The following MAMDC2 variants were observed in gnomAD, a reference collection of about 807,000 sequenced individuals.
The protein encoded by MAMDC2 is MAM domain containing 2, also known as MAM domain-containing protein 2.
In MAMDC2, 57 loss-of-function variants were observed where a neutral mutation model predicts 89.8. The ratio of observed to expected loss-of-function variants is 0.63; its 90% CI spans 0.51 to 0.79. The LOEUF (loss-of-function observed/expected upper bound fraction) is 0.79. MAMDC2 is among the 30% of genes least tolerant of loss of function. The probability of loss-of-function intolerance (pLI) is 0.00; values close to 1 mark genes in which losing one functional copy is unlikely to be tolerated. For missense variants in MAMDC2, 800 were observed against 820.6 expected, an observed-to-expected ratio of 0.97 and a Z score of 0.31; for synonymous variants, 313 against 293.4, an observed-to-expected ratio of 1.07 and a Z score of -0.68.
chr9:70,211,002 A>G lies in MAMDC2; in HGVS notation c.1652-7335A>G, dbSNP rs1211678991. 3.3e-5 allele frequency among the ~76,000 whole-genome samples: 5 copies of G among 152,294 alleles called. No individual in the cohort carries two copies. In the East Asian group the frequency reaches 5.8e-4, roughly 18 times the overall value. ...TAGAGTTTCTGCCAAGAGATCAGCT[A>G]TTAGTTTGATGGGCTTCCCTTTATG... On this transcript the variant is annotated intron_variant, in intron 11 of 13. Transcript: ENST00000377182.
chr9:70,143,920 T>C, intron 9 of MAMDC2, 101 bp downstream of exon 9: 1 of 1,417,202 alleles, frequency 7.1e-7, no homozygotes, highest in Non-Finnish European at 9.7e-7. Flanking sequence ...TTATTTTCCT[T>C]CTGTTCAGGC....
chr9:70,081,731 A>C (rs1275238721), intron 2 of MAMDC2: 1 of 152,118 alleles, frequency 6.6e-6, no homozygotes, highest in Non-Finnish European at 1.5e-5. Context: ...ACTTTTAACC[A>C]ATCTCCCAAA....
chr9:70,139,163 C>T (rs1169184260), intron 7 of MAMDC2, among the ~76,000 whole-genome samples: 2 of 149,850 alleles, frequency 1.3e-5, no homozygotes, highest in South Asian at 4.2e-4. Context: ...GGTACATGTG[C>T]ACAATGTGCA....
intron 5 of MAMDC2, among the ~76,000 whole-genome samples, chr9:70,118,297 A>AACACCCAC (rs2030100707): frequency 7.1e-6 from 1 of 140,484 alleles, no homozygotes; most frequent in Non-Finnish European, 1.5e-5. Context: ...ATCCCCACTC[A>AACACCCAC]ACACACACAC....
At chr9:70,138,949 G>A (rs1164593782) in intron 7 of MAMDC2, among the ~76,000 whole-genome samples, 2 of 152,016 alleles carry the variant, frequency 1.3e-5, no homozygotes, top group South Asian at 2.1e-4. Flanking sequence ...AAGGAAAATT[G>A]TTTCTATAAA....
intron 2 of MAMDC2, chr9:70,092,575 ACCATC>A (rs1445880372): frequency 1.3e-5 from 2 of 152,100 alleles, no homozygotes; most frequent in African/African-American, 2.4e-5. Flanking sequence ...GGGTTTCCAA[ACCATC>A]CCTGAGTTCA....
chr9:70,165,521 T>C (rs1423725076), intron 9 of MAMDC2, among the ~76,000 whole-genome samples: 1 of 152,230 alleles, frequency 6.6e-6, no homozygotes, highest in African/African-American at 2.4e-5. Context: ...TAGGGATCTT[T>C]TATCAGACAG....
chr9:70,062,609 A>G (rs1292296653), intron 2 of MAMDC2: 1 of 152,148 alleles, frequency 6.6e-6, no homozygotes, highest in Non-Finnish European at 1.5e-5. Context: ...AGTGAAATGG[A>G]CTTGCACTTC....
chr9:70,205,442 A>C (rs2033205087), intron 11 of MAMDC2, among the ~76,000 whole-genome samples: 1 of 152,206 alleles, frequency 6.6e-6, no homozygotes, highest in Non-Finnish European at 1.5e-5. Flanking sequence ...CCTGATTTTT[A>C]AGAATTCTTT....
At chr9:70,123,176 A>T (rs750651756) in intron 5 of MAMDC2, among the ~76,000 whole-genome samples, 6 of 152,228 alleles carry the variant, frequency 3.9e-5, no homozygotes, top group Non-Finnish European at 5.9e-5. Flanking sequence ...ATCTCACAAA[A>T]AGATTCTGTT....
chr9:70,125,156 T>C (rs1291532140), intron 5 of MAMDC2, among the ~76,000 whole-genome samples: 1 of 152,104 alleles, frequency 6.6e-6, no homozygotes, highest in Admixed American at 6.5e-5. Flanking sequence ...TCAGAAAAAA[T>C]TGCTAACAAT....
intron 11 of MAMDC2, chr9:70,188,763 T>TA (rs2032816606): frequency 1.4e-4 from 1 of 7,132 alleles, no homozygotes; most frequent in African/African-American, 2.5e-4. Flanking sequence ...AAACAATTGA[T>TA]TTTTTTTTTT....
chr9:70,066,133 G>A (rs1400989241), intron 2 of MAMDC2, among the ~76,000 whole-genome samples: 3 of 152,154 alleles, frequency 2.0e-5, no homozygotes, highest in African/African-American at 7.2e-5. Context: ...AGGTATGAAG[G>A]AAGATTGGGG....
chr9:70,091,355 A>T (rs1827897313), intron 2 of MAMDC2, among the ~76,000 whole-genome samples: 1 of 152,088 alleles, frequency 6.6e-6, no homozygotes, highest in Non-Finnish European at 1.5e-5. Flanking sequence ...CTTCAGGAAG[A>T]CCTAATCTCA....
intron 9 of MAMDC2, chr9:70,153,253 AACAGTT>A (rs1446203300): frequency 6.6e-6 from 1 of 152,228 alleles, no homozygotes; most frequent in East Asian, 1.9e-4. Context: ...GCAGGTAATC[AACAGTT>A]ACATTGAGAC....
chr9:70,165,086 A>C (rs2032126765), intron 9 of MAMDC2, among the ~76,000 whole-genome samples: 1 of 152,052 alleles, frequency 6.6e-6, no homozygotes, highest in South Asian at 2.1e-4. Flanking sequence ...CAATGAAATA[A>C]ACACTGCTTT....
intron 2 of MAMDC2, among the ~76,000 whole-genome samples, chr9:70,058,214 T>C (rs1827066637): frequency 6.6e-6 from 1 of 152,250 alleles, no homozygotes; most frequent in Non-Finnish European, 1.5e-5. Context: ...TTAATTCTTA[T>C]AATCCCCCTA....
chr9:70,179,926 G>C (rs2032600632), intron 11 of MAMDC2, among the ~76,000 whole-genome samples: 1 of 136,664 alleles, frequency 7.3e-6, no homozygotes. Flanking sequence ...ATGCAGGTTT[G>C]TTACACAGGT....
At chr9:70,170,986 A>C in intron 11 of MAMDC2, 1 of 215,480 alleles carries the variant, frequency 4.6e-6, no homozygotes, top group Non-Finnish European at 9.1e-6. Flanking sequence ...ATTGGCAGAC[A>C]AAGGAAGAGG....
Sources: allele counts gnomAD v4.1 joint callset (sites outside exome capture counted in the v4.1 genomes callset), GRCh38; gene constraint gnomAD v4.1.1; transcripts MANE v1.5; gene names NCBI Gene and HGNC (gene_info 2026-07-23, HGNC 2026-07-21).